Variants in HHAT observed in about 807,000 individuals in gnomAD.
HHAT encodes protein-cysteine N-palmitoyltransferase HHAT.
HHAT carries 47 observed loss-of-function variants against 70.8 expected under a neutral mutation model. The observed-to-expected ratio is 0.66, with a 90% CI of 0.53 to 0.85. HHAT has a LOEUF of 0.85. Among genes scored for constraint, HHAT ranks in the 40% least tolerant of loss-of-function variants. HHAT has a pLI of 0.00. For synonymous variants in HHAT, 228 were observed against 247.6 expected, an observed-to-expected ratio of 0.92 and a Z score of 0.74; for missense variants, 609 against 604.8, an observed-to-expected ratio of 1.01 and a Z score of -0.07.
intron 9 of HHAT, among the ~76,000 whole-genome samples, chr1:210,518,573 A>G (rs2095100150): frequency 6.6e-6 from 1 of 152,142 alleles, no homozygotes; most frequent in South Asian, 2.1e-4. Context: ...CGGGTAGATC[A>G]CTTGAGGCCA....
intron 9 of HHAT, among the ~76,000 whole-genome samples, chr1:210,529,633 G>C (rs867463185): frequency 6.6e-6 from 1 of 152,164 alleles, no homozygotes; most frequent in Non-Finnish European, 1.5e-5. Flanking sequence ...GGACATCAAA[G>C]GGGTAACTGG....
At chr1:210,582,289 A>T (rs1187837796) in intron 9 of HHAT, among the ~76,000 whole-genome samples, 2 of 152,154 alleles carry the variant, frequency 1.3e-5, no homozygotes, top group Non-Finnish European at 2.9e-5. Flanking sequence ...AAGGGTGGAA[A>T]GTTAAGGTGG....
At chr1:210,399,931 C>T (rs911906052) in intron 4 of HHAT, among the ~76,000 whole-genome samples, 3 of 152,070 alleles carry the variant, frequency 2.0e-5, no homozygotes, top group African/African-American at 7.2e-5. Flanking sequence ...AATCAATATG[C>T]AAAAAATCAA....
intron 9 of HHAT, among the ~76,000 whole-genome samples, chr1:210,547,434 G>C (rs2095493190): frequency 6.6e-6 from 1 of 152,196 alleles, no homozygotes; most frequent in Non-Finnish European, 1.5e-5. Flanking sequence ...CACTGGACTT[G>C]TTAATGGTAT....
At chr1:210,623,834 A>G (rs571904013) in intron 11 of HHAT, among the ~76,000 whole-genome samples, 164 bp downstream of exon 11, 1 of 152,288 alleles carries the variant, frequency 6.6e-6, no homozygotes, top group African/African-American at 2.4e-5. Context: ...AAGTTTGACT[A>G]TGACTTTAAG....
At chr1:210,387,260 G>A (rs527488339) in intron 3 of HHAT, among the ~76,000 whole-genome samples, 1 of 152,280 alleles carries the variant, frequency 6.6e-6, no homozygotes, top group South Asian at 2.1e-4. Flanking sequence ...GGTTAGGTTG[G>A]TGCAAAAGTA....
intron 11 of HHAT, among the ~76,000 whole-genome samples, chr1:210,648,398 GA>G (rs1674496253): frequency 6.6e-6 from 1 of 152,214 alleles, no homozygotes. Context: ...TCAGCTGACG[GA>G]GACTTGAAGC....
intron 1 of HHAT, among the ~76,000 whole-genome samples, chr1:210,333,458 A>T (rs553638011): frequency 6.6e-6 from 1 of 151,600 alleles, no homozygotes; most frequent in South Asian, 2.1e-4. Context: ...AAACTAAAAA[A>T]GCTCCAAATG....
intron 9 of HHAT, among the ~76,000 whole-genome samples, chr1:210,542,515 T>A (rs1014652000): frequency 3.3e-5 from 5 of 150,260 alleles, no homozygotes; most frequent in Admixed American, 2.0e-4. Flanking sequence ...ATATATATAT[T>A]GGTTGGATGC....
intron 10 of HHAT, among the ~76,000 whole-genome samples, chr1:210,596,087 G>T (rs905413622): frequency 1.3e-5 from 2 of 152,252 alleles, no homozygotes; most frequent in Admixed American, 6.5e-5. Context: ...TTCTTCTAGG[G>T]TTTTTATGGT....
chr1:210,564,331 T>C (rs2095650424), intron 9 of HHAT, among the ~76,000 whole-genome samples: 1 of 152,034 alleles, frequency 6.6e-6, no homozygotes, highest in Non-Finnish European at 1.5e-5. Context: ...GACAGAACCA[T>C]GAGTGGTTGC....
rs143145110 is a variant in HHAT, at chr1:210,580,056, G to A, written c.1044-7842G>A. Among the ~76,000 whole-genome samples, 14 of 152,286 alleles carry A rather than the reference G, an allele frequency of 9.2e-5. No homozygotes were observed. In the East Asian group the frequency reaches 2.7e-3, roughly 29 times the overall value. ...TAAATATAGCTTGAATTTAATTTCT[G>A]TTTTATAAACCCTACAATGTTCTGT... On this transcript the variant is annotated intron_variant, in intron 9 of 11. Coordinates refer to ENST00000261458, the MANE Select transcript of HHAT (RefSeq NM_018194.6).
intron 11 of HHAT, among the ~76,000 whole-genome samples, chr1:210,643,575 T>C (rs1007618173): frequency 6.6e-6 from 1 of 152,224 alleles, no homozygotes; most frequent in Admixed American, 6.5e-5. Context: ...ATGGTAATCA[T>C]GTCAGTTGAA....
intron 9 of HHAT, among the ~76,000 whole-genome samples, chr1:210,576,269 TA>T (rs1333674105): frequency 6.6e-6 from 1 of 152,104 alleles, no homozygotes; most frequent in Non-Finnish European, 1.5e-5. Flanking sequence ...AATGGCTTTT[TA>T]AAACCCCAGC....
chr1:210,480,474 T>C (rs2094377296), intron 8 of HHAT, among the ~76,000 whole-genome samples: 1 of 152,206 alleles, frequency 6.6e-6, no homozygotes, highest in Non-Finnish European at 1.5e-5. Context: ...GAGCTGCAGC[T>C]ATTGATATGT....
chr1:210,431,230 G>C (rs2093233208), intron 7 of HHAT, among the ~76,000 whole-genome samples: 1 of 151,690 alleles, frequency 6.6e-6, no homozygotes, highest in Non-Finnish European at 1.5e-5. Context: ...TGGGAATTTT[G>C]GGCTTTGGAA....
chr1:210,645,049 TATATTTAGTCCTCAC>T (rs1484234162), intron 11 of HHAT, among the ~76,000 whole-genome samples: 1 of 152,214 alleles, frequency 6.6e-6, no homozygotes, highest in South Asian at 2.1e-4. Flanking sequence ...ATTTAGTTAA[TATATTTAGTCCTCAC>T]AAAATTTTCT....
intron 7 of HHAT, among the ~76,000 whole-genome samples, chr1:210,457,177 C>A (rs988756107): frequency 6.6e-6 from 1 of 152,076 alleles, no homozygotes; most frequent in Admixed American, 6.5e-5. Context: ...TCACCCCCGG[C>A]GGGGAGAGAA....
intron 6 of HHAT, among the ~76,000 whole-genome samples, chr1:210,411,545 G>T: frequency 6.6e-6 from 1 of 152,202 alleles, no homozygotes; most frequent in Middle Eastern, 3.4e-3. Context: ...CTTGAGACCA[G>T]GAGTTCGAGA....
Sources: allele counts gnomAD v4.1 joint callset (sites outside exome capture counted in the v4.1 genomes callset), GRCh38; gene constraint gnomAD v4.1.1; transcripts MANE v1.5; gene names NCBI Gene and HGNC (gene_info 2026-07-23, HGNC 2026-07-21).